ALCAM: variants seen among roughly 807,000 people sequenced by gnomAD.
The protein encoded by ALCAM is CD166 antigen.
In ALCAM, 30 loss-of-function variants were observed where a neutral mutation model predicts 70.9. That is an observed-to-expected ratio of 0.42 (90% CI 0.32 to 0.57). The LOEUF is 0.57. Ranked by LOEUF, ALCAM falls within the 20% of genes least tolerant of loss-of-function variation. The pLI is 0.11. For synonymous variants in ALCAM, 249 were observed against 242.5 expected (o/e 1.03, Z -0.25); for missense variants, 591 against 695.1 (o/e 0.85, Z 1.68).
chr3:105,560,956 G>A (rs371559785), intron 14 of ALCAM, among the ~76,000 whole-genome samples: 21 of 152,254 alleles, frequency 1.4e-4, no homozygotes, highest in African/African-American at 4.3e-4. Context: ...TGGAATTAGC[G>A]TTGCTTTTAA....
At chr3:105,525,071 G>T in intron 3 of ALCAM, 1 of 920,322 alleles carries the variant, frequency 1.1e-6, no homozygotes, top group African/African-American at 1.8e-5. Context: ...TAGAGATATA[G>T]ATACATTTCC....
intron 2 of ALCAM, among the ~76,000 whole-genome samples, chr3:105,520,813 A>G (rs1407280323): frequency 6.6e-6 from 1 of 152,178 alleles, no homozygotes; most frequent in African/African-American, 2.4e-5. Flanking sequence ...AAATGTCTCA[A>G]TTTAATTAAT....
At chr3:105,532,428 C>A (rs1228963431) in intron 4 of ALCAM, among the ~76,000 whole-genome samples, 2 of 152,224 alleles carry the variant, frequency 1.3e-5, no homozygotes, top group African/African-American at 4.8e-5. Flanking sequence ...CATGGCAAGA[C>A]CTTGTTTATA....
chr3:105,511,709 GAC>G (rs1939242630), intron 1 of ALCAM, among the ~76,000 whole-genome samples: 1 of 151,970 alleles, frequency 6.6e-6, no homozygotes, highest in South Asian at 2.1e-4. Context: ...ATCCTCAGGA[GAC>G]ATAGGCAATG....
intron 1 of ALCAM, among the ~76,000 whole-genome samples, chr3:105,473,266 A>C (rs946348040): frequency 2.0e-5 from 3 of 151,580 alleles, no homozygotes; most frequent in East Asian, 3.9e-4. Flanking sequence ...CATGGGTTCA[A>C]ACAGCCCATT....
chr3:105,500,798 T>C (rs1300049911), intron 1 of ALCAM, among the ~76,000 whole-genome samples: 2 of 152,206 alleles, frequency 1.3e-5, no homozygotes, highest in Non-Finnish European at 2.9e-5. Context: ...TCATTTCAAA[T>C]GTACATCTTG....
intron 1 of ALCAM, among the ~76,000 whole-genome samples, chr3:105,494,201 T>C (rs1476742308): frequency 6.6e-6 from 1 of 152,192 alleles, no homozygotes; most frequent in Non-Finnish European, 1.5e-5. Flanking sequence ...AGCTATTATA[T>C]ACTTTGTGTA....
chr3:105,441,706 T>G (rs952148119), intron 1 of ALCAM, among the ~76,000 whole-genome samples: 3 of 152,214 alleles, frequency 2.0e-5, no homozygotes, highest in African/African-American at 7.2e-5. Flanking sequence ...TCATCTAAGC[T>G]TCTATAAAAC....
chr3:105,455,430 C>T (rs1469576518), intron 1 of ALCAM, among the ~76,000 whole-genome samples: 4 of 124,874 alleles, frequency 3.2e-5, no homozygotes, highest in African/African-American at 9.4e-5. Flanking sequence ...CGACAGAGTG[C>T]GACACCGTCT....
intron 1 of ALCAM, among the ~76,000 whole-genome samples, chr3:105,384,846 A>G (rs1187153342): frequency 6.6e-6 from 1 of 151,518 alleles, no homozygotes; most frequent in Non-Finnish European, 1.5e-5. Flanking sequence ...AGGACTTTGA[A>G]TGCAGTATAG....
intron 1 of ALCAM, among the ~76,000 whole-genome samples, chr3:105,481,753 G>T (rs1938277212): frequency 6.6e-6 from 1 of 151,924 alleles, no homozygotes; most frequent in Non-Finnish European, 1.5e-5. Flanking sequence ...CTTTTTTGGA[G>T]GAAAAGAAAT....
At chr3:105,439,020 T>C (rs921719313) in intron 1 of ALCAM, among the ~76,000 whole-genome samples, 1 of 152,052 alleles carries the variant, frequency 6.6e-6, no homozygotes, top group Non-Finnish European at 1.5e-5. Flanking sequence ...AGTTGCAAAA[T>C]AGGTGAAAGC....
rs1281501649 is a variant in ALCAM at position 105,575,104 on chromosome 3, T to G, written c.*653T>G. The G allele has an allele frequency of 6.6e-6, 1 of 152,576 alleles. No individual in the cohort carries two copies. The highest frequency in any genetic ancestry group is 1.9e-4 in the East Asian group (1 of 5,194). 9.5% of individuals were successfully genotyped at this position (152,576 alleles called of 1,614,324 possible). ...CTCAGAAATAAATCACAGATGCATA[T>G]AGACACACATACATAATGGTACTCC... On this transcript the variant is annotated 3_prime_UTR_variant, in exon 16 of 16. Transcript: ENST00000306107.
intron 1 of ALCAM, among the ~76,000 whole-genome samples, chr3:105,380,086 C>CA (rs1935479785): frequency 6.6e-6 from 1 of 151,678 alleles, no homozygotes; most frequent in Admixed American, 6.6e-5. Context: ...GAATAGTAGA[C>CA]AAAATCTTTT....
intron 1 of ALCAM, among the ~76,000 whole-genome samples, chr3:105,414,351 G>A (rs1342499767): frequency 6.6e-6 from 1 of 152,086 alleles, no homozygotes; most frequent in Non-Finnish European, 1.5e-5. Context: ...AGAAGATGGA[G>A]GTTCAGTGAG....
At chr3:105,556,522 C>T (rs779109044) in intron 14 of ALCAM, among the ~76,000 whole-genome samples, 1 of 151,898 alleles carries the variant, frequency 6.6e-6, no homozygotes, top group Non-Finnish European at 1.5e-5. Context: ...CTGCCTTATA[C>T]GATGCTTTAT....
Position 105,532,024 on chromosome 3 carries a change from T to C in ALCAM, c.417T>C (p.Ile139=). 6.2e-7 allele frequency: 1 copy of C among 1,613,454 alleles called. No homozygotes were observed. Among genetic ancestry groups the C allele is most frequent in the South Asian group, 1.1e-5 (1 of 91,052 alleles). The stretch of plus-strand genomic sequence containing the variant: ...TAGAGCAACCATCTAAACCTGAAAT[T>C]GTAAGCAAAGCACTGTTTCTCGAAA... ...KVFKQPSKPE[I]VSKALFLETE... The change falls in exon 4 of 16, where the codon ATT becomes ATC. Residue 139 remains isoleucine, a synonymous_variant. Transcript: ENST00000306107.
chr3:105,487,155 A>G (rs1938452720), intron 1 of ALCAM, among the ~76,000 whole-genome samples: 1 of 151,956 alleles, frequency 6.6e-6, no homozygotes, highest in African/African-American at 2.4e-5. Flanking sequence ...TATTTTTTAA[A>G]AAAACTAACC....
chr3:105,396,312 G>A (rs1935949711), intron 1 of ALCAM, among the ~76,000 whole-genome samples: 1 of 151,894 alleles, frequency 6.6e-6, no homozygotes. Flanking sequence ...GGAGGTTTAG[G>A]AGCTAGGAGG....
Sources: allele counts gnomAD v4.1 joint callset (sites outside exome capture counted in the v4.1 genomes callset), GRCh38; gene constraint gnomAD v4.1.1; transcripts MANE v1.5; gene names NCBI Gene and HGNC (gene_info 2026-07-23, HGNC 2026-07-21).